GRIA3: variants seen among roughly 807,000 people sequenced by gnomAD.
GRIA3 encodes the protein glutamate receptor 3.
GRIA3 carries 3 observed loss-of-function variants against 63.0 expected under a neutral mutation model. That is an observed-to-expected ratio of 0.05 (90% CI 0.02 to 0.12). GRIA3 has a LOEUF of 0.12. GRIA3 is among the 10% of genes least tolerant of loss of function. GRIA3 has a pLI of 1.00. For missense variants in GRIA3, 347 were observed against 700.9 expected (o/e 0.50, Z 5.70); for synonymous variants, 274 against 257.9 (o/e 1.06, Z -0.60).
At chrX:123,275,033 C>G (rs2044546616) in intron 3 of GRIA3, among the ~76,000 whole-genome samples, 1 of 110,981 alleles carries the variant, frequency 9.0e-6, no homozygotes, top group Non-Finnish European at 1.9e-5. Flanking sequence ...AGAACACAAA[C>G]AGTAGACTGA....
chrX:123,403,357 C>T, intron 8 of GRIA3, 55 bp from the exon 9 acceptor site: 1 of 782,253 alleles, frequency 1.3e-6, no homozygotes. Flanking sequence ...CAATTTCATG[C>T]AGTACTTTTC....
chrX:123,318,331 G>T (rs2044846215), intron 3 of GRIA3, among the ~76,000 whole-genome samples: 1 of 112,236 alleles, frequency 8.9e-6, no homozygotes, highest in South Asian at 3.7e-4. Flanking sequence ...CTGCAGCCCG[G>T]TTGAATTTCT....
intron 3 of GRIA3, among the ~76,000 whole-genome samples, chrX:123,306,105 T>C (rs766503515): frequency 3.6e-5 from 4 of 112,249 alleles, no homozygotes; most frequent in Non-Finnish European, 7.5e-5. Flanking sequence ...GGAGCTTAAG[T>C]TCTTTTCTTA....
At chrX:123,309,343 G>A (rs1272581317) in intron 3 of GRIA3, among the ~76,000 whole-genome samples, 1 of 106,038 alleles carries the variant, frequency 9.4e-6, no homozygotes, top group Non-Finnish European at 1.9e-5. Flanking sequence ...CTCCAGCCTG[G>A]GTGACAGAGA....
In GRIA3 at chrX:123,459,042, T is replaced by C. The variant is rs368338244; in HGVS notation, c.2077-5823T>C. ...CTTTCTTTATTATAAAGATATATAA[T>C]GTTTTTCCCACTTCCTGTGTTTCAG... is the stretch of plus-strand genomic sequence containing the variant. On this transcript the variant is annotated intron_variant, in intron 12 of 15. Coordinates refer to ENST00000620443, the MANE Select transcript of GRIA3 (RefSeq NM_007325.5). 3.2e-4 allele frequency among the ~76,000 whole-genome samples: 36 copies of C among 111,904 alleles called. No individual in the cohort carries two copies. The East Asian group carries it at 4.2e-3, about 13-fold the overall frequency.
chrX:123,383,475 C>T (rs2045336279), intron 5 of GRIA3, among the ~76,000 whole-genome samples: 1 of 111,555 alleles, frequency 9.0e-6, no homozygotes, highest in African/African-American at 3.3e-5. Flanking sequence ...TATCATTCTA[C>T]TCTCTACTTC....
chrX:123,417,807 C>A, intron 11 of GRIA3, 29 bp downstream of exon 11: 1 of 1,150,874 alleles, frequency 8.7e-7, no homozygotes, highest in South Asian at 1.9e-5. Context: ...CTCAATGCCT[C>A]ATTGCATTTT....
intron 12 of GRIA3, among the ~76,000 whole-genome samples, chrX:123,462,443 T>G (rs990097413): frequency 8.9e-6 from 1 of 111,980 alleles, no homozygotes; most frequent in South Asian, 3.7e-4. Flanking sequence ...TTGCTATAAT[T>G]TGTGCAAACC....
chrX:123,291,163 T>C (rs947967848), intron 3 of GRIA3, among the ~76,000 whole-genome samples: 1 of 111,339 alleles, frequency 9.0e-6, no homozygotes, highest in African/African-American at 3.3e-5. Flanking sequence ...CACACTGGCA[T>C]AGCAGGCTGA....
chrX:123,397,159 T>C (rs917307456), intron 6 of GRIA3, among the ~76,000 whole-genome samples: 13 of 112,261 alleles, frequency 1.2e-4, no homozygotes, highest in South Asian at 3.8e-4. Context: ...GAAATGTTCA[T>C]GCTTATAAGT....
intron 5 of GRIA3, among the ~76,000 whole-genome samples, chrX:123,383,708 T>A (rs2147371067): frequency 8.9e-6 from 1 of 111,907 alleles, no homozygotes; most frequent in East Asian, 2.8e-4. Context: ...TAATCTTTTT[T>A]TTCAACTTTT....
chrX:123,214,201 T>G (rs1411335343), intron 2 of GRIA3, among the ~76,000 whole-genome samples: 2 of 112,458 alleles, frequency 1.8e-5, no homozygotes, highest in Non-Finnish European at 3.8e-5. Flanking sequence ...CTGAATTTAT[T>G]TTCAAGGAAG....
At chrX:123,304,631 T>A (rs1419796064) in intron 3 of GRIA3, among the ~76,000 whole-genome samples, 2 of 111,696 alleles carry the variant, frequency 1.8e-5, no homozygotes, top group Non-Finnish European at 3.8e-5. Context: ...CTGTAAAGGC[T>A]ACCAGAGTCC....
At position 123,349,070 on chromosome X, in the gene GRIA3, A is replaced by G. The variant is rs186460950; in HGVS notation, c.697-5840A>G. 2.7e-5 allele frequency among the ~76,000 whole-genome samples: 3 copies of G among 112,127 alleles called. No homozygotes were observed. In the East Asian group the frequency reaches 8.4e-4, roughly 31 times the overall value. Reference sequence around the variant, plus strand: ...ATTTTCTTGTATTAGTGTCATTGATATTATCCCTCTGGACATGACTAGATT... The same window carrying G: ...ATTTTCTTGTATTAGTGTCATTGATGTTATCCCTCTGGACATGACTAGATT... On this transcript the variant is annotated intron_variant, in intron 4 of 15. Transcript: ENST00000620443.
chrX:123,301,633 GA>G (rs1156721907), intron 3 of GRIA3, among the ~76,000 whole-genome samples: 2 of 111,935 alleles, frequency 1.8e-5, no homozygotes, highest in Non-Finnish European at 3.8e-5. Flanking sequence ...GATGCACAGA[GA>G]AGTTGAATAA....
At chrX:123,269,944 A>G (rs1009224530) in intron 3 of GRIA3, among the ~76,000 whole-genome samples, 5 of 112,657 alleles carry the variant, frequency 4.4e-5, no homozygotes, top group Non-Finnish European at 9.4e-5. Context: ...TAAGCTAAAC[A>G]GACTTCTTTG....
intron 2 of GRIA3, among the ~76,000 whole-genome samples, chrX:123,209,250 C>T (rs187193986): frequency 2.4e-3 from 271 of 111,874 alleles, no homozygotes; most frequent in African/African-American, 8.3e-3. Flanking sequence ...CAAACTGTAA[C>T]ACAGGGATAA....
chrX:123,427,376 G>A (rs1361005635), intron 11 of GRIA3, among the ~76,000 whole-genome samples: 2 of 110,749 alleles, frequency 1.8e-5, no homozygotes, highest in Admixed American at 1.9e-4. Flanking sequence ...TTAATTGGTG[G>A]GCCTGGGCAT....
At chrX:123,447,436 T>A (rs1164819421) in intron 12 of GRIA3, among the ~76,000 whole-genome samples, 1 of 112,180 alleles carries the variant, frequency 8.9e-6, no homozygotes, top group Non-Finnish European at 1.9e-5. Context: ...ATAAAGGTGA[T>A]AGCTGTATCA....
Sources: allele counts gnomAD v4.1 joint callset (sites outside exome capture counted in the v4.1 genomes callset), GRCh38; gene constraint gnomAD v4.1.1; transcripts MANE v1.5; gene names NCBI Gene and HGNC (gene_info 2026-07-23, HGNC 2026-07-21).